GPR157: variants seen among roughly 807,000 people sequenced by gnomAD.
GPR157 encodes the protein G-protein coupled receptor 157.
In GPR157, 16 loss-of-function variants were observed where a neutral mutation model predicts 23.5. The ratio of observed to expected loss-of-function variants is 0.68; its 90% CI spans 0.46 to 1.04. The LOEUF is 1.04. GPR157 is among the 50% of genes least tolerant of loss of function. The probability of loss-of-function intolerance (pLI) is 0.00; values close to 1 mark genes in which losing one functional copy is unlikely to be tolerated. For synonymous variants in GPR157, 200 were observed against 221.5 expected (o/e 0.90, Z 0.86); for missense variants, 440 against 460.7 (o/e 0.96, Z 0.41).
At chr1:9,107,853 G>A (rs748997814) in intron 2 of GPR157, among the ~76,000 whole-genome samples, 2 of 152,124 alleles carry the variant, frequency 1.3e-5, no homozygotes, top group African/African-American at 4.8e-5. Flanking sequence ...GCTTGAACCC[G>A]GGAGGCAGAG....
At position 9,129,071 on chromosome 1, in the gene GPR157, G is replaced by C. The variant is rs1392618793; in HGVS notation, c.-44C>G. 2.5e-6 allele frequency: 3 copies of C among 1,217,910 alleles called. No homozygotes were observed. Among genetic ancestry groups the C allele is most frequent in the African/African-American group, 1.6e-5 (1 of 63,450 alleles). 75.4% of individuals were successfully genotyped at this position (1,217,910 alleles called of 1,614,324 possible). ...CCGGAGCGCCGCGAGGACAGAAGCC[G>C]GGCCGCGCGTGCGGCCACGCCGCCG... On this transcript the variant is annotated 5_prime_UTR_variant, in exon 1 of 4. Coordinates refer to ENST00000377411, the MANE Select transcript of GPR157 (RefSeq NM_024980.5).
chr1:9,116,293 A>T (rs1414245683), intron 1 of GPR157, among the ~76,000 whole-genome samples: 16 of 750 alleles, frequency 0.021, 2 homozygotes, highest in South Asian at 0.083. Context: ...ATTATATATA[A>T]ATTATATATA....
At position 9,111,289 on chromosome 1, in the gene GPR157, T is replaced by A. The variant is rs775320754; in HGVS notation, c.584A>T (p.His195Leu). Residue 195 changes from histidine (H) to leucine (L), a missense_variant, in exon 2 of 4, where the codon CAC becomes CTC. His to Leu is a moderately conservative substitution (Grantham distance 99). Coordinates refer to ENST00000377411, the MANE Select transcript of GPR157 (RefSeq NM_024980.5). ...LPLLYLLVRKHINRAHTALSE... is the reference protein window; with the variant it reads ...LPLLYLLVRKLINRAHTALSE... ...GGCAGCGCCTACCGCTCTGTTGATG[T>A]GCTTCCGGACCAGGAGGTACAGCAG... The A allele has an allele frequency of 6.2e-7, 1 of 1,614,192 alleles. No individual in the cohort carries two copies. The highest frequency in any genetic ancestry group is 8.5e-7 in the Non-Finnish European group (1 of 1,180,016).
chr1:9,120,015 A>G lies in GPR157; in HGVS notation c.384-8526T>C, dbSNP rs1287610136. On this transcript the variant is annotated intron_variant, in intron 1 of 3. Coordinates refer to ENST00000377411, the MANE Select transcript of GPR157 (RefSeq NM_024980.5). This position sits in a 1 kb window ranked among gnomAD's most constrained non-coding sequence, Gnocchi z 4.1. Reference sequence around the variant, plus strand: ...CCTTGGGAGTTCCCAGCGCTGCCCAACCGGGGATCTTCTGTTGTGTGGTTC... The same window carrying G: ...CCTTGGGAGTTCCCAGCGCTGCCCAGCCGGGGATCTTCTGTTGTGTGGTTC... Among the ~76,000 whole-genome samples the G allele has an allele frequency of 6.6e-6, 1 of 152,002 alleles. No individual in the cohort carries two copies. The highest frequency in any genetic ancestry group is 1.5e-5 in the Non-Finnish European group (1 of 67,972).
chr1:9,111,231 A>G (rs762090509), intron 2 of GPR157, 45 bp downstream of exon 2: 2 of 1,577,522 alleles, frequency 1.3e-6, no homozygotes, highest in Non-Finnish European at 1.7e-6. Context: ...GCACCTGGGC[A>G]CAGCGGCCAT....
intron 2 of GPR157, chr1:9,111,025 G>C: frequency 3.6e-6 from 2 of 549,452 alleles, no homozygotes; most frequent in Non-Finnish European, 3.3e-6. Flanking sequence ...GCTAAGCCTC[G>C]TTTCCTTATC....
Position 9,103,698 on chromosome 1 carries a change from T to A in GPR157, c.*721A>T, listed in dbSNP as rs983106553. ...GGAAGGAGGGAACCTGTGTCTGAAG[T>A]GATTGACAGGTGGGGACAGGAGTGT... On this transcript the variant is annotated 3_prime_UTR_variant, in exon 4 of 4. Transcript: ENST00000377411. 2.0e-5 allele frequency: 3 copies of A among 152,184 alleles called. No individual in the cohort carries two copies. The highest frequency in any genetic ancestry group is 7.2e-5 in the African/African-American group (3 of 41,412). The allele number at this position is 152,184 out of a possible 1,614,324, so 9.4% of individuals were successfully genotyped here.
At chr1:9,111,816 A>G (rs1638505292) in intron 1 of GPR157, among the ~76,000 whole-genome samples, 1 of 152,084 alleles carries the variant, frequency 6.6e-6, no homozygotes, top group African/African-American at 2.4e-5. Context: ...CCAGAAATAC[A>G]AAAATTAGCT....
Position 9,128,339 on chromosome 1 carries a change from G to A in GPR157, c.383+306C>T, listed in dbSNP as rs1639009640. On this transcript the variant is annotated intron_variant, in intron 1 of 3. Transcript: ENST00000377411. The surrounding 1 kb of genome is among the most constrained non-coding windows in gnomAD (Gnocchi z 6.3). ...AGGACACAGTGAAGCAGGTCACAAG[G>A]GGCTCAGAGTGTCCTCCCCAGCCCC... is the stretch of plus-strand genomic sequence containing the variant. 6.3e-6 allele frequency: 4 copies of A among 634,364 alleles called. No individual in the cohort carries two copies. The highest frequency in any genetic ancestry group is 1.2e-5 in the Non-Finnish European group (4 of 341,490). 39.3% of individuals were successfully genotyped at this position (634,364 alleles called of 1,614,324 possible). A position where few individuals can be genotyped will look rare whatever the true frequency, so the allele number is the denominator to read the frequency against.
intron 1 of GPR157, among the ~76,000 whole-genome samples, chr1:9,124,725 G>A (rs560791002): frequency 1.3e-5 from 2 of 152,288 alleles, no homozygotes; most frequent in Non-Finnish European, 2.9e-5. Flanking sequence ...TGCTGCAACT[G>A]TTACTGCTGA....
chr1:9,127,588 C>G (rs1638990598), intron 1 of GPR157, among the ~76,000 whole-genome samples: 1 of 152,208 alleles, frequency 6.6e-6, no homozygotes, highest in Admixed American at 6.5e-5. Context: ...ACTTGTACAG[C>G]TGAGAAGCAG....
In GPR157 at chr1:9,109,856, T is replaced by C. The variant is rs184340376; in HGVS notation, c.597+1420A>G. Among the ~76,000 whole-genome samples the C allele has an allele frequency of 5.3e-5, 8 of 151,478 alleles. No individual in the cohort carries two copies. In the East Asian group the frequency reaches 7.8e-4, roughly 15 times the overall value. ...TTGACGCGAGAAGACACAACGGGAGTGGAGGGTGGGGATTAGGTGTCCAGA... is the reference window on the plus strand; with the variant it reads ...TTGACGCGAGAAGACACAACGGGAGCGGAGGGTGGGGATTAGGTGTCCAGA... On this transcript the variant is annotated intron_variant, in intron 2 of 3. Coordinates refer to ENST00000377411, the MANE Select transcript of GPR157 (RefSeq NM_024980.5).
At position 9,104,389 on chromosome 1, in the gene GPR157, C is replaced by T. The variant is rs115760090; in HGVS notation, c.*30G>A. 53 of 1,569,746 alleles carry T rather than the reference C, an allele frequency of 3.4e-5. No individual in the cohort carries two copies. The highest frequency in any genetic ancestry group is 3.1e-4 in the African/African-American group (23 of 74,068). On this transcript the variant is annotated 3_prime_UTR_variant, in exon 4 of 4. Transcript: ENST00000377411. Reference sequence around the variant, plus strand: ...AGTGCCTACCCCCAGGAAGGCAGCACCTATGCACAGAACTAGAAAGGACAA... The same window carrying T: ...AGTGCCTACCCCCAGGAAGGCAGCATCTATGCACAGAACTAGAAAGGACAA...
intron 2 of GPR157, 186 bp downstream of exon 2, chr1:9,111,090 A>T: frequency 1.5e-6 from 1 of 651,638 alleles, no homozygotes. Context: ...CCAATGCACG[A>T]TCCGTGTAAC....
chr1:9,100,335 A>G lies in GPR157; in HGVS notation c.*4084T>C, dbSNP rs752677396. 2 of 152,226 alleles carry G rather than the reference A, an allele frequency of 1.3e-5. No individual in the cohort carries two copies. Among genetic ancestry groups the G allele is most frequent in the Admixed American group, 6.5e-5 (1 of 15,284 alleles). 9.4% of individuals were successfully genotyped at this position (152,226 alleles called of 1,614,324 possible). On this transcript the variant is annotated 3_prime_UTR_variant, in exon 4 of 4. Coordinates refer to ENST00000377411, the MANE Select transcript of GPR157 (RefSeq NM_024980.5). ...GAAAAATAATTTATTTATTTAATTT[A>G]AAACAGCAAGACTTCAGCTTCCACC...
In GPR157 at chr1:9,120,783, C is replaced by G. The variant is rs764029418; in HGVS notation, c.383+7862G>C. Reference sequence around the variant, plus strand: ...CACACCTCCTGCCAAGTTGCTGGTGCTCAGCGCTCTGCCATGAGCTTCCTG... The same window carrying G: ...CACACCTCCTGCCAAGTTGCTGGTGGTCAGCGCTCTGCCATGAGCTTCCTG... On this transcript the variant is annotated intron_variant, in intron 1 of 3. Coordinates refer to ENST00000377411, the MANE Select transcript of GPR157 (RefSeq NM_024980.5). The surrounding 1 kb of genome is among the most constrained non-coding windows in gnomAD (Gnocchi z 4.1). 1.9e-4 allele frequency among the ~76,000 whole-genome samples: 29 copies of G among 152,340 alleles called. No individual in the cohort carries two copies. The highest frequency in any genetic ancestry group is 4.1e-4 in the Non-Finnish European group (28 of 68,024).
At position 9,128,965 on chromosome 1, in the gene GPR157, C is replaced by T; in HGVS notation, c.63G>A (p.Ser21=). The part of the protein sequence containing the change: ...VPSERAVVLL[S]CALSALGSGL... ...CCGAGCCGAGCGCGGAGAGTGCGCA[C>T]GACAGCAGCACCACGGCGCGCTCCG... Residue 21 remains serine, a synonymous_variant, in exon 1 of 4, where the codon TCG becomes TCA. Coordinates refer to ENST00000377411, the MANE Select transcript of GPR157 (RefSeq NM_024980.5). This position sits in a 1 kb window ranked among gnomAD's most constrained non-coding sequence, Gnocchi z 6.3. 1.4e-6 allele frequency: 2 copies of T among 1,464,632 alleles called. No homozygotes were observed. Among genetic ancestry groups the T allele is most frequent in the Non-Finnish European group, 1.8e-6 (2 of 1,111,132 alleles). 90.7% of individuals were successfully genotyped at this position (1,464,632 alleles called of 1,614,324 possible).
intron 2 of GPR157, 199 bp downstream of exon 2, chr1:9,111,077 G>A: frequency 1.6e-6 from 1 of 635,704 alleles, no homozygotes; most frequent in South Asian, 1.7e-5. Context: ...GGGGCAGTGG[G>A]AACCAATGCA....
chr1:9,112,794 C>T (rs895573392), intron 1 of GPR157, among the ~76,000 whole-genome samples: 2 of 152,204 alleles, frequency 1.3e-5, no homozygotes, highest in African/African-American at 4.8e-5. Flanking sequence ...GCCAGCCACA[C>T]AGCCAGGAGT....
Sources: allele counts gnomAD v4.1 joint callset (sites outside exome capture counted in the v4.1 genomes callset), GRCh38; gene constraint gnomAD v4.1.1; non-coding constraint Gnocchi (gnomAD v3.1); transcripts MANE v1.5; gene names NCBI Gene and HGNC (gene_info 2026-07-23, HGNC 2026-07-21).